The following SLC5A12 variants were observed in gnomAD, a reference collection of about 807,000 sequenced individuals.
SLC5A12 encodes the protein solute carrier family 5 member 12, also known as sodium-coupled monocarboxylate transporter 2.
A neutral mutation model predicts 72.7 loss-of-function variants in SLC5A12; 46 were observed. The observed-to-expected ratio is 0.63, with a 90% CI of 0.50 to 0.81. SLC5A12 has a LOEUF of 0.81. Ranked by LOEUF, SLC5A12 falls within the 30% of genes least tolerant of loss-of-function variation. The probability of loss-of-function intolerance (pLI) is 0.00; values close to 1 mark genes in which losing one functional copy is unlikely to be tolerated. For synonymous variants in SLC5A12, 275 were observed against 264.4 expected (o/e 1.04, Z -0.39); for missense variants, 683 against 740.7 (o/e 0.92, Z 0.90).
chr11:26,683,433 C>T lies in SLC5A12; in HGVS notation c.1308+324G>A, dbSNP rs192547532. On this transcript the variant is annotated intron_variant, in intron 11 of 14. Coordinates refer to ENST00000396005, the MANE Select transcript of SLC5A12 (RefSeq NM_178498.4). ...ACGAATTTTCAAAATTGTGTTTCAA[C>T]AAAACTATTCTTGAATTCAATATCT... Among the ~76,000 whole-genome samples, 207 of 152,254 alleles carry T rather than the reference C, an allele frequency of 1.4e-3. 1 individual carries two copies. The highest frequency in any genetic ancestry group is 2.9e-3 in the Admixed American group (44 of 15,278).
In SLC5A12 at chr11:26,712,578, A is replaced by G. The variant is rs925004264; in HGVS notation, c.405+63T>C. 6.9e-6 allele frequency: 9 copies of G among 1,298,818 alleles called. No individual in the cohort carries two copies. The African/African-American group carries it at 1.3e-4, about 19-fold the overall frequency. The allele number at this position is 1,298,818 out of a possible 1,614,324, so 80.5% of individuals were successfully genotyped here. A position where few individuals can be genotyped will look rare whatever the true frequency, so the allele number is the denominator to read the frequency against. ...TTTAGCTGAGTTTATTGCCCCCAAA[A>G]TAAACAAACCTATATCTAGTAACCT... On this transcript the variant is annotated intron_variant, in intron 2 of 14. Coordinates refer to ENST00000396005, the MANE Select transcript of SLC5A12 (RefSeq NM_178498.4).
intron 6 of SLC5A12, among the ~76,000 whole-genome samples, chr11:26,702,984 A>T (rs1281480735): frequency 5.9e-5 from 9 of 152,164 alleles, no homozygotes; most frequent in African/African-American, 1.9e-4. Flanking sequence ...CCAATCAAAT[A>T]CTTGCTTTGC....
chr11:26,681,372 C>T lies in SLC5A12; in HGVS notation c.1309-151G>A, dbSNP rs904473020. On this transcript the variant is annotated intron_variant, in intron 11 of 14. Coordinates refer to ENST00000396005, the MANE Select transcript of SLC5A12 (RefSeq NM_178498.4). ...AGAAACACTCTGCTCAAACTGCCTT[C>T]ACCTCAACTCCCATAATGCAGGTTT... 21 of 539,552 alleles carry T rather than the reference C, an allele frequency of 3.9e-5. No homozygotes were observed. The East Asian group carries it at 5.1e-4, about 13-fold the overall frequency. The allele number at this position is 539,552 out of a possible 1,614,324, so 33.4% of individuals were successfully genotyped here.
chr11:26,719,164 A>G (rs1442574606), intron 1 of SLC5A12, among the ~76,000 whole-genome samples: 2 of 152,184 alleles, frequency 1.3e-5, no homozygotes, highest in Non-Finnish European at 2.9e-5. Flanking sequence ...AAGTAAGTAA[A>G]TTGTTCAATA....
intron 8 of SLC5A12, among the ~76,000 whole-genome samples, chr11:26,694,087 G>T (rs1854749878): frequency 6.6e-6 from 1 of 152,136 alleles, no homozygotes; most frequent in Admixed American, 6.6e-5. Flanking sequence ...GAAGGGTAAG[G>T]TTTGTACAAC....
In SLC5A12 at chr11:26,672,133, T is replaced by C. The variant is rs532362242; in HGVS notation, c.1708-882A>G. Among the ~76,000 whole-genome samples, 4 of 152,216 alleles carry C rather than the reference T, an allele frequency of 2.6e-5. No individual in the cohort carries two copies. In the South Asian group the frequency reaches 8.3e-4, roughly 32 times the overall value. ...ACCTTAAGTCACTTAAGCTCAGAAT[T>C]CTATACATGTCTGCACCTAACTTCT... On this transcript the variant is annotated intron_variant, in intron 14 of 14. Transcript: ENST00000396005.
At chr11:26,695,028 GA>G (rs1295112676) in intron 8 of SLC5A12, among the ~76,000 whole-genome samples, 2 of 151,228 alleles carry the variant, frequency 1.3e-5, no homozygotes, top group Non-Finnish European at 3.0e-5. Context: ...TAAAAACAAA[GA>G]AAAAAAGTCA....
At chr11:26,693,801 G>A (rs1436246788) in intron 8 of SLC5A12, among the ~76,000 whole-genome samples, 1 of 152,114 alleles carries the variant, frequency 6.6e-6, no homozygotes, top group Non-Finnish European at 1.5e-5. Context: ...TATATAGGAA[G>A]TAAAAACTGT....
chr11:26,682,107 A>T (rs925917198), intron 11 of SLC5A12, among the ~76,000 whole-genome samples: 1 of 151,876 alleles, frequency 6.6e-6, no homozygotes, highest in African/African-American at 2.4e-5. Flanking sequence ...ACAACAACTC[A>T]GTTCTCTTAT....
chr11:26,678,437 T>C (rs1019106617), intron 13 of SLC5A12, among the ~76,000 whole-genome samples: 21 of 152,240 alleles, frequency 1.4e-4, no homozygotes, highest in African/African-American at 5.1e-4. Context: ...TGGAGTGCAA[T>C]GGCACCATCT....
chr11:26,722,988 A>C (rs1855508571), upstream of SLC5A12, among the ~76,000 whole-genome samples: 1 of 151,654 alleles, frequency 6.6e-6, no homozygotes, highest in African/African-American at 2.4e-5. Flanking sequence ...TGCCTATTTT[A>C]GGGAATCTCT....
Position 26,681,044 on chromosome 11 carries a change from A to G in SLC5A12, c.1475+11T>C, listed in dbSNP as rs769470986. On this transcript the variant is annotated intron_variant, in intron 12 of 14. Transcript: ENST00000396005. ...CTCTGGGACTTAGCACCATCTATAA[A>G]GTCAGCATACCTGCTGGATAGTACT... is the stretch of plus-strand genomic sequence containing the variant. 21 of 1,577,550 alleles carry G rather than the reference A, an allele frequency of 1.3e-5. No homozygotes were observed. Among genetic ancestry groups the G allele is most frequent in the Non-Finnish European group, 1.7e-5 (20 of 1,162,180 alleles).
intron 13 of SLC5A12, among the ~76,000 whole-genome samples, chr11:26,678,210 T>C (rs1854308344): frequency 1.3e-5 from 2 of 152,188 alleles, no homozygotes; most frequent in South Asian, 4.1e-4. Flanking sequence ...AAATCTTGTC[T>C]CTTACTGGGA....
At position 26,671,002 on chromosome 11, in the gene SLC5A12, C is replaced by A; in HGVS notation, c.*100G>T. 9.1e-7 allele frequency: 1 copy of A among 1,101,724 alleles called. No homozygotes were observed. Among genetic ancestry groups the A allele is most frequent in the Non-Finnish European group, 1.3e-6 (1 of 797,246 alleles). The allele number at this position is 1,101,724 out of a possible 1,614,324, so 68.2% of individuals were successfully genotyped here. A position where few individuals can be genotyped will look rare whatever the true frequency, so the allele number is the denominator to read the frequency against. The stretch of plus-strand genomic sequence containing the variant: ...AGACATCCCTGTCTTCTAGCAATGG[C>A]AACTATACATATCTACTAACAAGTA... On this transcript the variant is annotated 3_prime_UTR_variant, in exon 15 of 15. Coordinates refer to ENST00000396005, the MANE Select transcript of SLC5A12 (RefSeq NM_178498.4).
chr11:26,681,265 G>C, intron 11 of SLC5A12, 44 bp from the exon 12 acceptor site: 2 of 1,474,164 alleles, frequency 1.4e-6, no homozygotes, highest in South Asian at 2.8e-5. Context: ...TGGCAAAGCT[G>C]TCTATGGAAA....
intron 1 of SLC5A12, among the ~76,000 whole-genome samples, chr11:26,716,849 T>C (rs1007502275): frequency 7.9e-5 from 12 of 152,144 alleles, no homozygotes; most frequent in African/African-American, 2.9e-4. Flanking sequence ...GCTTCAGCAG[T>C]AAAAGCCCTA....
At chr11:26,693,021 T>C (rs1334790193) in intron 8 of SLC5A12, among the ~76,000 whole-genome samples, 3 of 152,214 alleles carry the variant, frequency 2.0e-5, no homozygotes, top group Non-Finnish European at 4.4e-5. Context: ...TTCATTTATT[T>C]CTACATCCTT....
intron 12 of SLC5A12, 120 bp downstream of exon 12, chr11:26,680,935 T>A (rs10767569): frequency 0.67 from 613,919 of 914,716 alleles, 212,218 homozygotes; most frequent in Non-Finnish European, 0.72. Context: ...GGTACTTCCC[T>A]GAGTGAGTCT....
intron 9 of SLC5A12, among the ~76,000 whole-genome samples, chr11:26,689,567 G>T (rs901821795): frequency 1.3e-5 from 2 of 152,188 alleles, no homozygotes; most frequent in East Asian, 3.9e-4. Flanking sequence ...CACGGTGAAG[G>T]TCACATATCC....
Sources: allele counts gnomAD v4.1 joint callset (sites outside exome capture counted in the v4.1 genomes callset), GRCh38; gene constraint gnomAD v4.1.1; transcripts MANE v1.5; gene names NCBI Gene and HGNC (gene_info 2026-07-23, HGNC 2026-07-21).